DPY19L4: variants seen among roughly 807,000 people sequenced by gnomAD.
The protein encoded by DPY19L4 is probable C-mannosyltransferase DPY19L4.
DPY19L4 carries 97 observed loss-of-function variants against 102.8 expected under a neutral mutation model. That is an observed-to-expected ratio of 0.94 (90% CI 0.80 to 1.12). DPY19L4 has a LOEUF of 1.12. Ranked by LOEUF, DPY19L4 falls within the 50% of genes most tolerant of loss-of-function variation. DPY19L4 has a pLI of 0.00. For missense variants in DPY19L4, 815 were observed against 850.4 expected, an observed-to-expected ratio of 0.96 and a Z score of 0.52; for synonymous variants, 252 against 283.1, an observed-to-expected ratio of 0.89 and a Z score of 1.10.
At chr8:94,759,266 C>T (rs193178164) in intron 7 of DPY19L4, among the ~76,000 whole-genome samples, 82 of 152,184 alleles carry the variant, frequency 5.4e-4, no homozygotes, top group African/African-American at 1.9e-3. Context: ...CCTATCAGAG[C>T]GCCCTTTTTT....
chr8:94,752,548 T>C (rs1375116375), intron 6 of DPY19L4, among the ~76,000 whole-genome samples: 3 of 129,588 alleles, frequency 2.3e-5, no homozygotes, highest in South Asian at 5.5e-4. Context: ...ATTGTGTCAC[T>C]GCACTCCAGC....
chr8:94,734,877 G>A, intron 3 of DPY19L4, 123 bp downstream of exon 3: 1 of 1,331,750 alleles, frequency 7.5e-7, no homozygotes, highest in African/African-American at 1.5e-5. Flanking sequence ...TCCAGAAGCT[G>A]TTTTGAGAAT....
intron 2 of DPY19L4, among the ~76,000 whole-genome samples, chr8:94,732,099 A>G (rs1810984626): frequency 6.6e-6 from 1 of 152,118 alleles, no homozygotes; most frequent in African/African-American, 2.4e-5. Flanking sequence ...CATTTAGAAT[A>G]TGATTATTTA....
chr8:94,788,125 TATA>T, intron 18 of DPY19L4, 73 bp downstream of exon 18: 1 of 808,232 alleles, frequency 1.2e-6, no homozygotes, highest in Non-Finnish European at 1.6e-6. Flanking sequence ...ACTTTAAACT[TATA>T]ATCTTTAAAC....
chr8:94,742,368 A>G (rs904234394), intron 6 of DPY19L4, among the ~76,000 whole-genome samples: 13 of 151,934 alleles, frequency 8.6e-5, no homozygotes, highest in Non-Finnish European at 1.3e-4. Flanking sequence ...AAAAAAAAAG[A>G]AAGTCTTATA....
At chr8:94,725,420 A>G (rs927002729) in intron 1 of DPY19L4, among the ~76,000 whole-genome samples, 1 of 152,198 alleles carries the variant, frequency 6.6e-6, no homozygotes, top group Non-Finnish European at 1.5e-5. Flanking sequence ...CTTCTGCATC[A>G]CATTTTCTGA....
chr8:94,740,750 CG>C (rs1249584167), intron 6 of DPY19L4, among the ~76,000 whole-genome samples: 2 of 152,134 alleles, frequency 1.3e-5, no homozygotes, highest in Non-Finnish European at 2.9e-5. Context: ...CCACTGCGCC[CG>C]GCTGCAATAC....
At chr8:94,750,026 G>C (rs997912454) in intron 6 of DPY19L4, among the ~76,000 whole-genome samples, 2 of 152,186 alleles carry the variant, frequency 1.3e-5, no homozygotes, top group Non-Finnish European at 2.9e-5. Context: ...TGCAATCTCA[G>C]TTCACTGCAA....
chr8:94,774,579 CTT>C (rs1218454912), intron 13 of DPY19L4, among the ~76,000 whole-genome samples: 43 of 132,860 alleles, frequency 3.2e-4, no homozygotes, highest in Non-Finnish European at 3.9e-4. Context: ...CCACTTCTTT[CTT>C]TTTTTTTTTT....
intron 18 of DPY19L4, among the ~76,000 whole-genome samples, chr8:94,788,763 G>A (rs2130951461): frequency 6.6e-6 from 1 of 152,216 alleles, no homozygotes; most frequent in Middle Eastern, 3.4e-3. Context: ...TGGGAGTGAG[G>A]GATCATAAGA....
intron 8 of DPY19L4, among the ~76,000 whole-genome samples, chr8:94,762,347 T>C (rs919383544): frequency 1.7e-4 from 26 of 152,086 alleles, no homozygotes; most frequent in Non-Finnish European, 2.4e-4. Context: ...AATTGCTCTG[T>C]TGGGGTGAAG....
chr8:94,742,024 CAG>C (rs1304520032), intron 6 of DPY19L4, among the ~76,000 whole-genome samples: 1 of 152,264 alleles, frequency 6.6e-6, no homozygotes, highest in Non-Finnish European at 1.5e-5. Flanking sequence ...TTTAGAAAGA[CAG>C]AAAGTTATAA....
intron 13 of DPY19L4, among the ~76,000 whole-genome samples, chr8:94,771,609 A>G (rs939718332): frequency 1.3e-5 from 2 of 152,240 alleles, no homozygotes; most frequent in Non-Finnish European, 2.9e-5. Flanking sequence ...AAAGTTCTCT[A>G]AGGAAAAAGT....
intron 18 of DPY19L4, among the ~76,000 whole-genome samples, 175 bp downstream of exon 18, chr8:94,788,227 A>C (rs79336269): frequency 3.3e-5 from 5 of 151,904 alleles, no homozygotes; most frequent in Non-Finnish European, 5.9e-5. Context: ...TTTTTTCAAC[A>C]TACAAAAGAA....
chr8:94,726,137 G>C (rs1377422038), intron 1 of DPY19L4, among the ~76,000 whole-genome samples, 194 bp from the exon 2 acceptor site: 2 of 152,172 alleles, frequency 1.3e-5, no homozygotes, highest in African/African-American at 4.8e-5. Context: ...AGATTGGGAA[G>C]TGGAACTTAA....
At chr8:94,738,516 CTTTTTT>C in intron 4 of DPY19L4, 57 bp downstream of exon 4, 3 of 779,688 alleles carry the variant, frequency 3.8e-6, no homozygotes, top group Non-Finnish European at 3.5e-6. Context: ...CTTTTCTTTT[CTTTTTT>C]TTTTTTTTCC....
At chr8:94,729,677 A>G (rs1810855112) in intron 2 of DPY19L4, among the ~76,000 whole-genome samples, 1 of 150,974 alleles carries the variant, frequency 6.6e-6, no homozygotes, top group African/African-American at 2.5e-5. Flanking sequence ...TAAAAAAAAA[A>G]AATTAGCTGA....
chr8:94,760,773 CTGT>C (rs1045949396), intron 7 of DPY19L4, among the ~76,000 whole-genome samples: 1 of 152,174 alleles, frequency 6.6e-6, no homozygotes. Flanking sequence ...GAAGGAGAGG[CTGT>C]TGTTGCATAC....
At chr8:94,746,136 A>G (rs1337530915) in intron 6 of DPY19L4, among the ~76,000 whole-genome samples, 2 of 139,042 alleles carry the variant, frequency 1.4e-5, no homozygotes, top group African/African-American at 5.5e-5. Context: ...ATCTTGGCTC[A>G]CTACAATGTC....
Sources: allele counts gnomAD v4.1 joint callset (sites outside exome capture counted in the v4.1 genomes callset), GRCh38; gene constraint gnomAD v4.1.1; transcripts MANE v1.5; gene names NCBI Gene and HGNC (gene_info 2026-07-23, HGNC 2026-07-21).